FEZ2: variants seen among roughly 807,000 people sequenced by gnomAD.
FEZ2 encodes fasciculation and elongation protein zeta 2, also known as fasciculation and elongation protein zeta-2.
Under a neutral mutation model 40.4 loss-of-function variants are expected in FEZ2, and 51 were observed. That is an observed-to-expected ratio of 1.26 (90% CI 1.01 to 1.59). The LOEUF is 1.59. FEZ2 is among the 40% of genes most tolerant of loss of function. FEZ2 has a pLI of 0.00. For missense variants in FEZ2, 640 were observed against 438.3 expected, an observed-to-expected ratio of 1.46 and a Z score of -4.11; for synonymous variants, 242 against 172.0, an observed-to-expected ratio of 1.41 and a Z score of -3.18.
intron 5 of FEZ2, among the ~76,000 whole-genome samples, chr2:36,565,610 C>A (rs1390742585): frequency 6.6e-6 from 1 of 152,154 alleles, no homozygotes; most frequent in Non-Finnish European, 1.5e-5. Flanking sequence ...TGCAACTCAG[C>A]CTTCCCAGAC....
At chr2:36,573,757 A>C (rs775235040) in intron 5 of FEZ2, among the ~76,000 whole-genome samples, 10 of 152,248 alleles carry the variant, frequency 6.6e-5, no homozygotes, top group Admixed American at 6.5e-5. Flanking sequence ...CAGGCATATA[A>C]ACATAATAGG....
At chr2:36,554,391 C>A in intron 7 of FEZ2, 1 of 458,696 alleles carries the variant, frequency 2.2e-6, no homozygotes, top group Non-Finnish European at 4.5e-6. Context: ...CATTCTATCT[C>A]TGGCCCTCAT....
intron 5 of FEZ2, among the ~76,000 whole-genome samples, chr2:36,563,939 C>T (rs147287062): frequency 2.0e-5 from 3 of 152,304 alleles, no homozygotes; most frequent in Admixed American, 6.5e-5. Flanking sequence ...CCTTAAATGC[C>T]AGTGTTCCCT....
At chr2:36,563,536 A>C (rs1292654138) in intron 5 of FEZ2, among the ~76,000 whole-genome samples, 1 of 151,926 alleles carries the variant, frequency 6.6e-6, no homozygotes, top group East Asian at 1.9e-4. Flanking sequence ...AAAAAAAAAA[A>C]ACTAAAATCT....
intron 1 of FEZ2, 141 bp from the exon 2 acceptor site, chr2:36,591,152 A>T: frequency 1.6e-6 from 1 of 634,926 alleles, no homozygotes; most frequent in Non-Finnish European, 2.8e-6. Context: ...GAAAAACATC[A>T]ACAAAGTAGA....
intron 5 of FEZ2, among the ~76,000 whole-genome samples, chr2:36,567,772 A>G (rs1668289115): frequency 6.6e-6 from 1 of 152,004 alleles, no homozygotes; most frequent in Admixed American, 6.6e-5. Flanking sequence ...AAAAAAAAAA[A>G]AAAGAAATCT....
intron 1 of FEZ2, among the ~76,000 whole-genome samples, chr2:36,595,254 C>A (rs1236385405): frequency 6.6e-6 from 1 of 151,998 alleles, no homozygotes; most frequent in African/African-American, 2.4e-5. Context: ...TATTATTACA[C>A]TGTCATATAT....
chr2:36,558,456 G>C lies in FEZ2; in HGVS notation c.961C>G (p.Leu321Val). 1 of 1,523,362 alleles carries C rather than the reference G, an allele frequency of 6.6e-7. No individual in the cohort carries two copies. Among genetic ancestry groups the C allele is most frequent in the Non-Finnish European group, 8.8e-7 (1 of 1,131,150 alleles). The allele number at this position is 1,523,362 out of a possible 1,614,324, so 94.4% of individuals were successfully genotyped here. ...KKNGPPSVED[L>V]QILTKILRAM... is the part of the protein sequence containing the mutation. ...TGCTCACTTTTTGTTAATATTTGAAGATCTTCAACAGACGGTGGTCCGTTT... is the reference window on the plus strand; with the variant it reads ...TGCTCACTTTTTGTTAATATTTGAACATCTTCAACAGACGGTGGTCCGTTT... Residue 321 changes from leucine (L) to valine (V), a missense_variant, in exon 6 of 8, where the codon CTT becomes GTT. By Grantham distance (32) the Leu-to-Val change is conservative (BLOSUM62 1). Coordinates refer to ENST00000405912, the MANE Select transcript of FEZ2 (RefSeq NM_005102.3).
chr2:36,576,318 G>T (rs1409813426), intron 5 of FEZ2, among the ~76,000 whole-genome samples: 1 of 151,648 alleles, frequency 6.6e-6, no homozygotes, highest in Admixed American at 6.6e-5. Flanking sequence ...TGCCCGGGCT[G>T]GAGTACAGTG....
At chr2:36,554,037 A>G in intron 7 of FEZ2, 1 of 275,370 alleles carries the variant, frequency 3.6e-6, no homozygotes. Flanking sequence ...CTCTGACTAC[A>G]GTCTCCACTG....
intron 5 of FEZ2, among the ~76,000 whole-genome samples, chr2:36,569,995 C>T (rs848631): frequency 0.49 from 74,678 of 151,930 alleles, 19,827 homozygotes; most frequent in East Asian, 0.85. Flanking sequence ...AATCACGACA[C>T]TTTCAATAGC....
Position 36,598,042 on chromosome 2 carries a change from G to T in FEZ2, c.101C>A (p.Ala34Glu). 1 of 1,030,742 alleles carries T rather than the reference G, an allele frequency of 9.7e-7. No homozygotes were observed. Among genetic ancestry groups the T allele is most frequent in the East Asian group, 3.5e-5 (1 of 28,714 alleles). 63.8% of individuals were successfully genotyped at this position (1,030,742 alleles called of 1,614,324 possible). The change falls in exon 1 of 8, where the codon GCG becomes GAG. Residue 34 changes from alanine to glutamate, a missense_variant. Physicochemically the swap from Ala to Glu is moderately radical, Grantham distance 107. Transcript: ENST00000405912. ...CCCACCCGCCTCGGCCCCCGCCTCC[G>T]CCCCAGGCTCGGGGCTCGCGTTACA... ...ENCNASPEPG[A>E]EAGAEAGGGA...
intron 1 of FEZ2, among the ~76,000 whole-genome samples, chr2:36,597,103 G>A (rs1188910425): frequency 6.6e-6 from 1 of 151,970 alleles, no homozygotes; most frequent in East Asian, 1.9e-4. Flanking sequence ...CAGTAAGCAG[G>A]GCCCTTCGTT....
intron 3 of FEZ2, among the ~76,000 whole-genome samples, chr2:36,582,578 C>CT (rs1668780356): frequency 6.6e-6 from 1 of 152,130 alleles, no homozygotes; most frequent in African/African-American, 2.4e-5. Context: ...TATTACCTTG[C>CT]TTTTTTAAGC....
intron 2 of FEZ2, among the ~76,000 whole-genome samples, chr2:36,587,118 C>T (rs1668924649): frequency 6.6e-6 from 1 of 152,194 alleles, no homozygotes; most frequent in Non-Finnish European, 1.5e-5. Flanking sequence ...AGCATTCTAT[C>T]ATATAAGTAT....
intron 3 of FEZ2, among the ~76,000 whole-genome samples, chr2:36,582,405 A>G (rs890720264): frequency 6.6e-6 from 1 of 152,194 alleles, no homozygotes; most frequent in Admixed American, 6.5e-5. Flanking sequence ...GAAATATAAT[A>G]AGGTACAATG....
intron 6 of FEZ2, chr2:36,556,772 C>A (rs891581841): frequency 4.6e-5 from 7 of 152,216 alleles, no homozygotes; most frequent in African/African-American, 1.7e-4. Flanking sequence ...TATGTATTAA[C>A]TGTAACTAAC....
intron 6 of FEZ2, chr2:36,556,372 T>C (rs1160308674): frequency 6.4e-6 from 1 of 156,644 alleles, no homozygotes; most frequent in Non-Finnish European, 1.4e-5. Flanking sequence ...AAAACTAAAA[T>C]AGAAAAAGCA....
chr2:36,593,442 A>G (rs1669128261), intron 1 of FEZ2, among the ~76,000 whole-genome samples: 2 of 152,092 alleles, frequency 1.3e-5, no homozygotes, highest in Admixed American at 6.5e-5. Flanking sequence ...GCATCCAGGC[A>G]TTTCCATACA....
Sources: allele counts gnomAD v4.1 joint callset (sites outside exome capture counted in the v4.1 genomes callset), GRCh38; gene constraint gnomAD v4.1.1; transcripts MANE v1.5; gene names NCBI Gene and HGNC (gene_info 2026-07-23, HGNC 2026-07-21).